Variants in SNTG2 observed in about 807,000 individuals in gnomAD.
SNTG2 encodes gamma-2-syntrophin.
In SNTG2, 74 loss-of-function variants were observed where a neutral mutation model predicts 70.9. That is an observed-to-expected ratio of 1.04 (90% CI 0.86 to 1.27). The LOEUF (loss-of-function observed/expected upper bound fraction) is 1.27, where lower values mean the gene tolerates loss of function less well. SNTG2 is among the 50% of genes most tolerant of loss of function. SNTG2 has a pLI of 0.00. For missense variants in SNTG2, 717 were observed against 690.7 expected (o/e 1.04, Z -0.43); for synonymous variants, 278 against 273.8 (o/e 1.02, Z -0.15).
chr2:977,930 TG>T, intron 1 of SNTG2, among the ~76,000 whole-genome samples: 1 of 152,356 alleles, frequency 6.6e-6, no homozygotes, highest in East Asian at 1.9e-4. Context: ...ATGGCCTTCT[TG>T]GAAGACCTCA....
intron 8 of SNTG2, among the ~76,000 whole-genome samples, chr2:1,206,091 C>T (rs543782661): frequency 1.1e-4 from 16 of 152,274 alleles, no homozygotes; most frequent in Admixed American, 2.6e-4. Context: ...CTGACAGGTA[C>T]AAGCTATAGG....
chr2:1,232,538 TCTG>T (rs982518750), intron 9 of SNTG2, among the ~76,000 whole-genome samples: 1 of 152,102 alleles, frequency 6.6e-6, no homozygotes, highest in African/African-American at 2.4e-5. Flanking sequence ...CCTCAGGTGA[TCTG>T]CTGGCCTCAG....
At chr2:1,120,036 T>C (rs115110408) in intron 4 of SNTG2, among the ~76,000 whole-genome samples, 79 of 152,142 alleles carry the variant, frequency 5.2e-4, no homozygotes, top group Non-Finnish European at 8.8e-4. Flanking sequence ...ACCTTGACTA[T>C]TACAACAAGA....
chr2:1,034,575 A>G (rs769621078), intron 1 of SNTG2, among the ~76,000 whole-genome samples: 4 of 152,198 alleles, frequency 2.6e-5, no homozygotes, highest in Non-Finnish European at 5.9e-5. Context: ...GCTTCCACCA[A>G]CAGGGTATAA....
At chr2:1,130,383 T>C (rs1667943717) in intron 4 of SNTG2, among the ~76,000 whole-genome samples, 1 of 152,246 alleles carries the variant, frequency 6.6e-6, no homozygotes, top group Non-Finnish European at 1.5e-5. Context: ...AGAAGATAAA[T>C]TTTAATTTTT....
At chr2:1,057,883 TA>T (rs1187736496) in intron 1 of SNTG2, among the ~76,000 whole-genome samples, 1 of 151,910 alleles carries the variant, frequency 6.6e-6, no homozygotes, top group African/African-American at 2.4e-5. Context: ...ACAAAAGATT[TA>T]AAAAAAATTA....
chr2:1,184,103 A>G (rs950841975), intron 8 of SNTG2, among the ~76,000 whole-genome samples: 4 of 152,202 alleles, frequency 2.6e-5, no homozygotes, highest in Non-Finnish European at 4.4e-5. Flanking sequence ...TAATACTTCT[A>G]TGGGCCCCCA....
chr2:1,250,204 G>A (rs972067954), intron 12 of SNTG2, among the ~76,000 whole-genome samples: 31 of 152,320 alleles, frequency 2.0e-4, no homozygotes, highest in African/African-American at 6.7e-4. Context: ...CAAAGTCCGT[G>A]CTCTGTCTCC....
At chr2:1,177,256 A>C (rs1389210379) in intron 8 of SNTG2, among the ~76,000 whole-genome samples, 8 of 152,152 alleles carry the variant, frequency 5.3e-5, no homozygotes. Context: ...ACATATTCTC[A>C]CTTATAAGTG....
At chr2:960,471 T>C (rs1311051124) in intron 1 of SNTG2, among the ~76,000 whole-genome samples, 1 of 152,222 alleles carries the variant, frequency 6.6e-6, no homozygotes, top group Admixed American at 6.5e-5. Context: ...AGGTGAGCCC[T>C]GGAACTCAGG....
intron 1 of SNTG2, among the ~76,000 whole-genome samples, chr2:975,925 A>G (rs558881550): frequency 2.6e-5 from 4 of 152,362 alleles, no homozygotes; most frequent in South Asian, 2.1e-4. Context: ...AAGCCAAAAC[A>G]AGAAAAGTAC....
At chr2:1,355,161 A>G (rs561126357) in intron 16 of SNTG2, among the ~76,000 whole-genome samples, 3 of 152,352 alleles carry the variant, frequency 2.0e-5, no homozygotes, top group African/African-American at 7.2e-5. Flanking sequence ...GACCTGGGAA[A>G]TCACGTAATC....
chr2:1,322,677 G>A (rs927925495), intron 16 of SNTG2, among the ~76,000 whole-genome samples: 1 of 151,850 alleles, frequency 6.6e-6, no homozygotes, highest in African/African-American at 2.4e-5. Context: ...TTCTGGTGCA[G>A]AGTCCTCAGA....
intron 1 of SNTG2, among the ~76,000 whole-genome samples, chr2:999,614 C>G (rs1483485396): frequency 6.6e-6 from 1 of 151,858 alleles, no homozygotes; most frequent in Admixed American, 6.6e-5. Context: ...TATACATGCC[C>G]CAACACTGGA....
rs1342543810 is a variant in SNTG2 at position 1,031,526 on chromosome 2, ATATTTTT to A, written c.73-51990_73-51984del. On this transcript the variant is annotated intron_variant, in intron 1 of 16. Transcript: ENST00000308624. ...TTCATTGTTATATATATATATATAT[ATATTTTT>A]TTTTTTTTTTTTTTTGAGGCGAAAT... is the stretch of plus-strand genomic sequence containing the variant. 4.5e-3 allele frequency among the ~76,000 whole-genome samples: 244 copies of A among 54,148 alleles called. 4 individuals are homozygous for A. Among genetic ancestry groups the A allele is most frequent in the South Asian group, 1.0e-2 (15 of 1,506 alleles). 35.5% of individuals were successfully genotyped at this position (54,148 alleles called of 152,430 possible).
At chr2:1,079,377 T>G (rs755627927) in intron 1 of SNTG2, among the ~76,000 whole-genome samples, 3 of 152,240 alleles carry the variant, frequency 2.0e-5, no homozygotes, top group Non-Finnish European at 2.9e-5. Flanking sequence ...TAATGTGTGT[T>G]AGTATAGAAG....
At chr2:977,095 T>G (rs1167991504) in intron 1 of SNTG2, among the ~76,000 whole-genome samples, 1 of 152,178 alleles carries the variant, frequency 6.6e-6, no homozygotes, top group Non-Finnish European at 1.5e-5. Flanking sequence ...TTAATGTAGG[T>G]GATCCAGGAA....
intron 16 of SNTG2, among the ~76,000 whole-genome samples, chr2:1,354,297 CATCTGTAAAGTGGATA>C (rs1660733275): frequency 2.9e-5 from 2 of 68,902 alleles, no homozygotes; most frequent in African/African-American, 5.3e-5. Context: ...CCCTGAGCCT[CATCTGTAAAGTGGATA>C]CGTTTCCATG....
intron 1 of SNTG2, among the ~76,000 whole-genome samples, chr2:1,018,831 A>G (rs929959239): frequency 6.6e-6 from 1 of 152,242 alleles, no homozygotes; most frequent in Non-Finnish European, 1.5e-5. Context: ...TTAATGGGCC[A>G]TCACATTACA....
Sources: gnomAD v4.1 joint callset for allele counts (sites outside exome capture counted in the v4.1 genomes callset) on GRCh38, gnomAD v4.1.1 for gene constraint, MANE v1.5 for transcripts, NCBI Gene and HGNC (gene_info 2026-07-23, HGNC 2026-07-21) for gene names.